RUNX2: variants seen among roughly 807,000 people sequenced by gnomAD.
RUNX2 encodes the protein runt-related transcription factor 2.
In RUNX2, 10 loss-of-function variants were observed where a neutral mutation model predicts 51.7. The ratio of observed to expected loss-of-function variants is 0.19; its 90% CI spans 0.12 to 0.33. RUNX2 has a LOEUF of 0.33. Ranked by LOEUF, RUNX2 falls within the 10% of genes least tolerant of loss-of-function variation. The pLI is 1.00. For missense variants in RUNX2, 562 were observed against 691.3 expected (o/e 0.81, Z 2.10); for synonymous variants, 276 against 273.6 (o/e 1.01, Z -0.09).
intron 5 of RUNX2, among the ~76,000 whole-genome samples, chr6:45,477,321 G>T (rs1458890815): frequency 6.6e-6 from 1 of 152,036 alleles, no homozygotes; most frequent in Admixed American, 6.5e-5. Flanking sequence ...TATTAACTTC[G>T]TGTTCCCATG....
At chr6:45,456,352 T>A (rs1464379704) in intron 5 of RUNX2, among the ~76,000 whole-genome samples, 1 of 152,240 alleles carries the variant, frequency 6.6e-6, no homozygotes, top group Non-Finnish European at 1.5e-5. Flanking sequence ...TGGTAAATCC[T>A]GTTCGATTAA....
chr6:45,369,624 A>C (rs1212821074), intron 2 of RUNX2, among the ~76,000 whole-genome samples: 1 of 152,124 alleles, frequency 6.6e-6, no homozygotes, highest in Non-Finnish European at 1.5e-5. Flanking sequence ...TAATAAAGAC[A>C]CACTCTTATT....
At chr6:45,349,983 C>T (rs529321648) in intron 2 of RUNX2, among the ~76,000 whole-genome samples, 4 of 151,932 alleles carry the variant, frequency 2.6e-5, no homozygotes, top group South Asian at 4.1e-4. Context: ...TTATTAGTCA[C>T]AGGAAAAAAA....
intron 7 of RUNX2, among the ~76,000 whole-genome samples, chr6:45,542,058 A>G (rs1802246103): frequency 6.6e-6 from 1 of 152,108 alleles, no homozygotes; most frequent in Non-Finnish European, 1.5e-5. Flanking sequence ...TGGGAGCCAA[A>G]CGTGACTCAG....
intron 2 of RUNX2, chr6:45,422,364 C>A: frequency 3.8e-6 from 2 of 532,020 alleles, no homozygotes; most frequent in East Asian, 3.8e-5. Flanking sequence ...TCCCTACCCG[C>A]CAGCCCGACT....
At position 45,375,276 on chromosome 6, in the gene RUNX2, A is replaced by G. The variant is rs530838430; in HGVS notation, c.58+46492A>G. ...CCTAAAACTATATATTACAAGTCCC[A>G]ACAAGGCTAACAGTAGGGTGACATT... On this transcript the variant is annotated intron_variant, in intron 2 of 8. Transcript: ENST00000647337. Among the ~76,000 whole-genome samples the G allele has an allele frequency of 3.9e-5, 6 of 152,340 alleles. No individual in the cohort carries two copies. In the South Asian group the frequency reaches 1.2e-3, roughly 32 times the overall value.
At chr6:45,371,138 G>A (rs1795996639) in intron 2 of RUNX2, among the ~76,000 whole-genome samples, 1 of 152,150 alleles carries the variant, frequency 6.6e-6, no homozygotes. Flanking sequence ...TAAGAGGTAA[G>A]TGTATTTGAC....
intron 7 of RUNX2, among the ~76,000 whole-genome samples, chr6:45,529,797 C>T (rs188474131): frequency 6.6e-6 from 1 of 152,254 alleles, no homozygotes; most frequent in African/African-American, 2.4e-5. Flanking sequence ...GGCGTGCTTT[C>T]TCCCCATGAG....
intron 6 of RUNX2, among the ~76,000 whole-genome samples, chr6:45,503,387 C>A (rs1006407395): frequency 1.3e-5 from 2 of 152,158 alleles, no homozygotes; most frequent in East Asian, 1.9e-4. Flanking sequence ...ATTACTAGAA[C>A]GATGGATATA....
At chr6:45,329,073 A>G (rs140693330) in intron 2 of RUNX2, among the ~76,000 whole-genome samples, 176 of 152,126 alleles carry the variant, frequency 1.2e-3, no homozygotes, top group African/African-American at 4.0e-3. Context: ...ACAGTAAAAG[A>G]AACAGTTTAA....
At chr6:45,484,935 C>T (rs902334039) in intron 5 of RUNX2, among the ~76,000 whole-genome samples, 1 of 152,116 alleles carries the variant, frequency 6.6e-6, no homozygotes, top group Non-Finnish European at 1.5e-5. Context: ...GATGCAAGTC[C>T]TCTCCTCTCT....
At chr6:45,470,586 G>C (rs1029103751) in intron 5 of RUNX2, among the ~76,000 whole-genome samples, 1 of 152,204 alleles carries the variant, frequency 6.6e-6, no homozygotes, top group Non-Finnish European at 1.5e-5. Flanking sequence ...TGTGGACCCT[G>C]ATACTCAGAA....
intron 6 of RUNX2, among the ~76,000 whole-genome samples, chr6:45,508,276 T>G (rs1291228642): frequency 7.0e-6 from 1 of 141,920 alleles, no homozygotes; most frequent in Admixed American, 7.4e-5. Context: ...TTGCCCGGGC[T>G]GGAGTGCAAT....
intron 5 of RUNX2, among the ~76,000 whole-genome samples, chr6:45,451,403 C>T (rs1799167285): frequency 6.6e-6 from 1 of 152,214 alleles, no homozygotes; most frequent in African/African-American, 2.4e-5. Flanking sequence ...GCAGTAAAGC[C>T]TTGGCTTATG....
At chr6:45,348,861 T>C (rs1330803463) in intron 2 of RUNX2, among the ~76,000 whole-genome samples, 1 of 152,192 alleles carries the variant, frequency 6.6e-6, no homozygotes, top group African/African-American at 2.4e-5. Flanking sequence ...GAACTCTCTT[T>C]GAGAGGCTTT....
chr6:45,444,368 A>C (rs73441957), intron 5 of RUNX2, among the ~76,000 whole-genome samples: 5,450 of 152,234 alleles, frequency 0.036, 245 homozygotes, highest in East Asian at 0.17. Flanking sequence ...TCAGCCAGCC[A>C]CCTGTCTCAA....
At chr6:45,529,640 G>A (rs553645827) in intron 7 of RUNX2, among the ~76,000 whole-genome samples, 91 of 152,160 alleles carry the variant, frequency 6.0e-4, no homozygotes, top group African/African-American at 2.1e-3. Context: ...TCATTTAGAA[G>A]GGTATAGTAA....
rs1248773771 is a variant in RUNX2 at position 45,525,571 on chromosome 6, C to T, written c.1021+13164C>T. On this transcript the variant is annotated intron_variant, in intron 7 of 8. Transcript: ENST00000647337. ...TTCTGTAGGTCTTAGTTTCTTTAAGCGTGAACTGAGTTAATTGGGCTAGTT... is the reference window on the plus strand; with the variant it reads ...TTCTGTAGGTCTTAGTTTCTTTAAGTGTGAACTGAGTTAATTGGGCTAGTT... Among the ~76,000 whole-genome samples the T allele has an allele frequency of 3.3e-5, 5 of 152,132 alleles. No homozygotes were observed. The East Asian group carries it at 7.7e-4, about 23-fold the overall frequency.
intron 3 of RUNX2, among the ~76,000 whole-genome samples, chr6:45,425,531 A>G (rs748288826): frequency 2.0e-5 from 3 of 152,252 alleles, no homozygotes; most frequent in Non-Finnish European, 2.9e-5. Context: ...TTAACCTACA[A>G]CCTGACTGTC....
Sources: allele counts gnomAD v4.1 joint callset (sites outside exome capture counted in the v4.1 genomes callset), GRCh38; gene constraint gnomAD v4.1.1; transcripts MANE v1.5; gene names NCBI Gene and HGNC (gene_info 2026-07-23, HGNC 2026-07-21).